VAMP7: variants seen among roughly 807,000 people sequenced by gnomAD.
The protein encoded by VAMP7 is vesicle-associated membrane protein 7.
VAMP7 carries 14 observed loss-of-function variants against 29.6 expected under a neutral mutation model. That is an observed-to-expected ratio of 0.47 (90% CI 0.31 to 0.74). The LOEUF (loss-of-function observed/expected upper bound fraction) is 0.74, where lower values mean the gene tolerates loss of function less well. VAMP7 is among the 30% of genes least tolerant of loss of function. The pLI is 0.05. For synonymous variants in VAMP7, 95 were observed against 88.1 expected, an observed-to-expected ratio of 1.08 and a Z score of -0.44; for missense variants, 223 against 262.4, an observed-to-expected ratio of 0.85 and a Z score of 1.04.
At chrX:155,925,397 G>T (rs369099417) in intron 6 of VAMP7, among the ~76,000 whole-genome samples, 1 of 152,164 alleles carries the variant, frequency 6.6e-6, no homozygotes, top group Admixed American at 6.5e-5. Flanking sequence ...GCAGCAGAAT[G>T]GATGTTGTAT....
chrX:155,934,953 C>A (rs1482215600), intron 6 of VAMP7, among the ~76,000 whole-genome samples: 2 of 152,088 alleles, frequency 1.3e-5, no homozygotes, highest in African/African-American at 4.8e-5. Context: ...TTTTCCTTCA[C>A]CTATGAAGCT....
At chrX:155,907,978 G>A (rs940201844) in intron 5 of VAMP7, among the ~76,000 whole-genome samples, 1 of 151,990 alleles carries the variant, frequency 6.6e-6, no homozygotes, top group African/African-American at 2.4e-5. Context: ...GGGCAGAGAC[G>A]CTCCTCACTT....
At chrX:155,902,664 A>G (rs1230794054) in intron 5 of VAMP7, among the ~76,000 whole-genome samples, 1 of 152,096 alleles carries the variant, frequency 6.6e-6, no homozygotes, top group Non-Finnish European at 1.5e-5. Flanking sequence ...TATATGCTGG[A>G]TTACATTTAT....
intron 5 of VAMP7, among the ~76,000 whole-genome samples, chrX:155,908,850 T>C (rs2066191606): frequency 6.6e-6 from 1 of 152,010 alleles, no homozygotes; most frequent in Non-Finnish European, 1.5e-5. Context: ...TGCAGTGACA[T>C]GATCCTCTCT....
At chrX:155,884,876 T>G (rs769408387) in intron 1 of VAMP7, among the ~76,000 whole-genome samples, 2 of 152,358 alleles carry the variant, frequency 1.3e-5, no homozygotes, top group South Asian at 4.2e-4. Context: ...GAGGAGCATT[T>G]TCATCATTGC....
At position 155,923,577 on chromosome X, in the gene VAMP7, A is replaced by AT. The variant is rs1159462667; in HGVS notation, c.501+3706dup. 1.5e-4 allele frequency among the ~76,000 whole-genome samples: 23 copies of AT among 150,200 alleles called. No individual in the cohort carries two copies. The East Asian group carries it at 2.0e-3, about 13-fold the overall frequency. On this transcript the variant is annotated intron_variant, in intron 6 of 7. Coordinates refer to ENST00000286448, the MANE Select transcript of VAMP7 (RefSeq NM_005638.6). ...TGTCATTCTTACATACATAAAGTGT[A>AT]TTTTTTTTTCTTCTGGATGCTTTAA... is the stretch of plus-strand genomic sequence containing the variant.
At chrX:155,915,909 G>C (rs1391954069) in intron 5 of VAMP7, among the ~76,000 whole-genome samples, 1 of 152,122 alleles carries the variant, frequency 6.6e-6, no homozygotes, top group Non-Finnish European at 1.5e-5. Context: ...TTCAAGTCCT[G>C]AATATCCTTG....
chrX:155,936,499 AGGCGCGGGATATAATCTCCT>A, intron 6 of VAMP7, among the ~76,000 whole-genome samples: 1 of 152,342 alleles, frequency 6.6e-6, no homozygotes, highest in South Asian at 2.1e-4. Context: ...CCTCTGAGCC[AGGCGCGGGATATAATCTCCT>A]GGTGTGCTGT....
chrX:155,884,681 G>A (rs1001130584), intron 1 of VAMP7, among the ~76,000 whole-genome samples: 4 of 152,206 alleles, frequency 2.6e-5, no homozygotes, highest in Admixed American at 2.6e-4. Flanking sequence ...GCACTGAATT[G>A]TGTGCCATTG....
At chrX:155,916,985 A>C (rs980924574) in intron 5 of VAMP7, among the ~76,000 whole-genome samples, 1 of 152,154 alleles carries the variant, frequency 6.6e-6, no homozygotes, top group Non-Finnish European at 1.5e-5. Flanking sequence ...TGTCACTTTC[A>C]AGCACACCAA....
At chrX:155,914,722 G>A (rs1245482213) in intron 5 of VAMP7, among the ~76,000 whole-genome samples, 3 of 152,214 alleles carry the variant, frequency 2.0e-5, no homozygotes, top group Admixed American at 6.5e-5. Context: ...TGACCTGATC[G>A]TGGTGGATAA....
At chrX:155,932,852 CTCT>C (rs1207813925) in intron 6 of VAMP7, among the ~76,000 whole-genome samples, 4 of 151,402 alleles carry the variant, frequency 2.6e-5, no homozygotes, top group African/African-American at 9.7e-5. Context: ...TTTGTCATAG[CTCT>C]TATTATTTTG....
At chrX:155,906,393 C>T (rs780221188) in intron 5 of VAMP7, among the ~76,000 whole-genome samples, 1 of 152,264 alleles carries the variant, frequency 6.6e-6, no homozygotes, top group South Asian at 2.1e-4. Context: ...GCCACAAATC[C>T]CCACTGGTCT....
intron 3 of VAMP7, among the ~76,000 whole-genome samples, chrX:155,896,781 G>A (rs1397881363): frequency 6.6e-5 from 10 of 152,062 alleles, no homozygotes. Context: ...AAAGAGACTT[G>A]GAATTGGCAT....
At position 155,883,007 on chromosome X, in the gene VAMP7, C is replaced by T. The variant is rs1022890422; in HGVS notation, c.-10+1559C>T. 8.5e-5 allele frequency among the ~76,000 whole-genome samples: 13 copies of T among 152,214 alleles called. No individual in the cohort carries two copies. In the East Asian group the frequency reaches 1.9e-3, roughly 23 times the overall value. ...AAGACATTTCCTGAGCAATTGCGGA[C>T]ATTCTTAGATTATTCACTTATTATA... On this transcript the variant is annotated intron_variant, in intron 1 of 7. Coordinates refer to ENST00000286448, the MANE Select transcript of VAMP7 (RefSeq NM_005638.6).
At chrX:155,900,734 G>C in intron 5 of VAMP7, 147 bp downstream of exon 5, 3 of 664,138 alleles carry the variant, frequency 4.5e-6, no homozygotes, top group Non-Finnish European at 7.8e-6. Flanking sequence ...CTGTGATACT[G>C]TCTGCTTGTG....
chrX:155,913,934 G>C (rs2066274523), intron 5 of VAMP7, among the ~76,000 whole-genome samples: 1 of 152,108 alleles, frequency 6.6e-6, no homozygotes, highest in Non-Finnish European at 1.5e-5. Flanking sequence ...GCTGGATGGG[G>C]ATAGCATTGA....
At chrX:155,892,486 A>G (rs1430090015) in intron 2 of VAMP7, among the ~76,000 whole-genome samples, 2 of 151,972 alleles carry the variant, frequency 1.3e-5, no homozygotes, top group African/African-American at 2.4e-5. Flanking sequence ...TTCCAGCCAT[A>G]CTTCATACTT....
chrX:155,933,007 A>T (rs2066587484), intron 6 of VAMP7, among the ~76,000 whole-genome samples: 1 of 152,094 alleles, frequency 6.6e-6, no homozygotes, highest in Admixed American at 6.5e-5. Context: ...GATTACATTT[A>T]TTGATTTGTA....
Sources: gnomAD v4.1 joint callset for allele counts (sites outside exome capture counted in the v4.1 genomes callset) on GRCh38, gnomAD v4.1.1 for gene constraint, MANE v1.5 for transcripts, NCBI Gene and HGNC (gene_info 2026-07-23, HGNC 2026-07-21) for gene names.